The following ME1 variants were observed in gnomAD, a reference collection of about 807,000 sequenced individuals.
The protein encoded by ME1 is NADP-dependent malic enzyme.
In ME1, 74 loss-of-function variants were observed where a neutral mutation model predicts 66.4. That is an observed-to-expected ratio of 1.11 (90% confidence interval 0.92 to 1.35). The LOEUF (loss-of-function observed/expected upper bound fraction) is 1.35, where lower values mean the gene tolerates loss of function less well. Ranked by LOEUF, ME1 falls within the 40% of genes most tolerant of loss-of-function variation. The pLI is 0.00. For missense variants in ME1, 750 were observed against 694.1 expected, an observed-to-expected ratio of 1.08 and a Z score of -0.90; for synonymous variants, 251 against 235.6, an observed-to-expected ratio of 1.07 and a Z score of -0.60.
intron 1 of ME1, among the ~76,000 whole-genome samples, chr6:83,411,846 T>G (rs1400802026): frequency 6.6e-6 from 1 of 152,210 alleles, no homozygotes; most frequent in East Asian, 1.9e-4. Flanking sequence ...TCTCCTTTTT[T>G]GTCTTTTCTT....
chr6:83,219,489 C>T (rs1649817281), intron 12 of ME1, among the ~76,000 whole-genome samples: 1 of 152,142 alleles, frequency 6.6e-6, no homozygotes, highest in Non-Finnish European at 1.5e-5. Flanking sequence ...ACTAATAATA[C>T]TTCCTAATTC....
intron 3 of ME1, among the ~76,000 whole-genome samples, chr6:83,363,307 C>A (rs1456757564): frequency 1.3e-5 from 2 of 152,194 alleles, no homozygotes; most frequent in African/African-American, 2.4e-5. Flanking sequence ...ATACTTTGGG[C>A]TCCTCATACC....
chr6:83,291,960 C>T (rs1434353338), intron 6 of ME1, among the ~76,000 whole-genome samples: 1 of 151,920 alleles, frequency 6.6e-6, no homozygotes, highest in Non-Finnish European at 1.5e-5. Context: ...AGTGTGCTTT[C>T]CAGCTCCATC....
chr6:83,283,183 G>C (rs546833006), intron 6 of ME1, among the ~76,000 whole-genome samples: 1 of 131,828 alleles, frequency 7.6e-6, no homozygotes, highest in East Asian at 2.2e-4. Context: ...AGCCGAGATC[G>C]CGCCACTGCA....
intron 5 of ME1, 145 bp from the exon 6 acceptor site, chr6:83,315,558 T>A: frequency 1.7e-6 from 1 of 594,658 alleles, no homozygotes; most frequent in Non-Finnish European, 3.0e-6. Context: ...GGGTAATTAC[T>A]TAATGTTACA....
At chr6:83,302,692 T>C (rs1767749379) in intron 6 of ME1, among the ~76,000 whole-genome samples, 1 of 152,120 alleles carries the variant, frequency 6.6e-6, no homozygotes, top group Admixed American at 6.6e-5. Flanking sequence ...TAAGCATGAA[T>C]TAAATAAGCA....
intron 6 of ME1, among the ~76,000 whole-genome samples, chr6:83,281,845 ACAAAAAAGAG>A (rs1767299477): frequency 2.9e-5 from 4 of 137,730 alleles, no homozygotes; most frequent in South Asian, 2.2e-4. Flanking sequence ...AGAAAAGAAA[ACAAAAAAGAG>A]AAAAAAAAAA....
In ME1 at chr6:83,343,457, A is replaced by G. The variant is rs142838107; in HGVS notation, c.600+2716T>C. On this transcript the variant is annotated intron_variant, in intron 5 of 13. Coordinates refer to ENST00000369705, the MANE Select transcript of ME1 (RefSeq NM_002395.6). ...TCAAAGAGTTAAAGGTTCACCATTC[A>G]CTTAATTTTCTGCCCTTAATATTCC... is the stretch of plus-strand genomic sequence containing the variant. Among the ~76,000 whole-genome samples the G allele has an allele frequency of 6.5e-3, 995 of 152,316 alleles. 11 individuals carry two copies. The highest frequency in any genetic ancestry group is 0.023 in the African/African-American group (943 of 41,564).
At position 83,216,497 on chromosome 6, in the gene ME1, C is replaced by G. The variant is rs748796473; in HGVS notation, c.1548+1G>C. ...TGAAGCTTGAACAAGAGTGGTTTTA[C>G]CTTTTCTGCAATTTTCAGAGAAACA... On this transcript the variant is annotated splice_donor_variant, in intron 13 of 13. Coordinates refer to ENST00000369705, the MANE Select transcript of ME1 (RefSeq NM_002395.6). LOFTEE classifies it high-confidence loss of function. 1.3e-6 allele frequency: 2 copies of G among 1,592,186 alleles called. No homozygotes were observed. Among genetic ancestry groups the G allele is most frequent in the Non-Finnish European group, 1.7e-6 (2 of 1,168,348 alleles).
intron 5 of ME1, among the ~76,000 whole-genome samples, chr6:83,317,929 G>A (rs1768067998): frequency 6.6e-6 from 1 of 152,014 alleles, no homozygotes; most frequent in Admixed American, 6.5e-5. Flanking sequence ...AACCAAAACA[G>A]CATGGTACTG....
chr6:83,279,943 C>T (rs951083116), intron 6 of ME1, among the ~76,000 whole-genome samples: 1 of 152,162 alleles, frequency 6.6e-6, no homozygotes, highest in Non-Finnish European at 1.5e-5. Flanking sequence ...TCAGAAACCA[C>T]ACAAGCAAGA....
intron 6 of ME1, among the ~76,000 whole-genome samples, chr6:83,268,576 A>C (rs1308872431): frequency 6.6e-6 from 1 of 151,834 alleles, no homozygotes; most frequent in Non-Finnish European, 1.5e-5. Context: ...TGGAGATTAA[A>C]CTTTTTCGAG....
chr6:83,283,970 C>A (rs1487184957), intron 6 of ME1, among the ~76,000 whole-genome samples: 3 of 152,054 alleles, frequency 2.0e-5, no homozygotes, highest in African/African-American at 7.2e-5. Flanking sequence ...AAAGAGGGAA[C>A]AAGATCAATA....
chr6:83,430,871 G>T lies in ME1; in HGVS notation c.78+6C>A, dbSNP rs1770473515. ...GATGGGCGGCCAGGTGGGCCTGCGG[G>T]TTTACCTTGTTGAGGTGAGGGTTCC... is the stretch of plus-strand genomic sequence containing the variant. On this transcript the variant is annotated splice_donor_region_variant and intron_variant, in intron 1 of 13. Transcript: ENST00000369705. 8.1e-6 allele frequency: 13 copies of T among 1,598,846 alleles called. No individual in the cohort carries two copies. Among genetic ancestry groups the T allele is most frequent in the Non-Finnish European group, 1.1e-5 (13 of 1,172,956 alleles).
chr6:83,411,358 C>T (rs1045608822), intron 1 of ME1, among the ~76,000 whole-genome samples: 16 of 150,832 alleles, frequency 1.1e-4, no homozygotes, highest in African/African-American at 2.9e-4. Context: ...AGCAAGACTC[C>T]GTCTCAAGAA....
chr6:83,393,083 G>A, intron 3 of ME1: 2 of 1,454,562 alleles, frequency 1.4e-6, no homozygotes, highest in Non-Finnish European at 1.9e-6. Flanking sequence ...TAAACGGGAA[G>A]CTCACTGGCA....
chr6:83,363,103 C>T (rs1769034140), intron 3 of ME1, among the ~76,000 whole-genome samples: 1 of 152,120 alleles, frequency 6.6e-6, no homozygotes, highest in Non-Finnish European at 1.5e-5. Flanking sequence ...CAGGATTAAC[C>T]AGTCCAGGAA....
At chr6:83,363,448 T>C (rs746243108) in intron 3 of ME1, among the ~76,000 whole-genome samples, 9 of 152,198 alleles carry the variant, frequency 5.9e-5, no homozygotes, top group Non-Finnish European at 1.2e-4. Context: ...AAGAGATCCA[T>C]TAGGGCTTGT....
chr6:83,260,185 A>AT (rs1583345047), intron 6 of ME1, among the ~76,000 whole-genome samples: 1 of 152,090 alleles, frequency 6.6e-6, no homozygotes, highest in East Asian at 1.9e-4. Context: ...CCAAAAAAAA[A>AT]AAGAATCACA....
Sources: gnomAD v4.1 joint callset for allele counts (sites outside exome capture counted in the v4.1 genomes callset) on GRCh38, gnomAD v4.1.1 for gene constraint, MANE v1.5 for transcripts, NCBI Gene and HGNC (gene_info 2026-07-23, HGNC 2026-07-21) for gene names.